The following BEND6 variants were observed in gnomAD, a reference collection of about 807,000 sequenced individuals.
BEND6 encodes the protein BEN domain-containing protein 6.
In BEND6, 24 loss-of-function variants were observed where a neutral mutation model predicts 31.8. That is an observed-to-expected ratio of 0.75 (90% CI 0.55 to 1.06). The LOEUF (loss-of-function observed/expected upper bound fraction) is 1.06, where lower values mean the gene tolerates loss of function less well. BEND6 is among the 50% of genes least tolerant of loss of function. The pLI is 0.00. For missense variants in BEND6, 294 were observed against 327.4 expected (o/e 0.90, Z 0.79); for synonymous variants, 109 against 114.6 (o/e 0.95, Z 0.31).
chr6:57,015,018 C>G lies in BEND6; in HGVS notation c.299-115C>G, dbSNP rs536652097. Reference sequence around the variant, plus strand: ...TGCCATGTTTATTTTCCAAAGATAGCAAATGTTAAGTTTGTTCTGCATATT... The same window carrying G: ...TGCCATGTTTATTTTCCAAAGATAGGAAATGTTAAGTTTGTTCTGCATATT... On this transcript the variant is annotated intron_variant, in intron 3 of 6. Coordinates refer to ENST00000370746, the MANE Select transcript of BEND6 (RefSeq NM_152731.3). The G allele has an allele frequency of 2.7e-5, 20 of 740,732 alleles. No individual in the cohort carries two copies. In the Middle Eastern group the frequency reaches 2.0e-3, roughly 73 times the overall value. The allele number at this position is 740,732 out of a possible 1,614,324, so 45.9% of individuals were successfully genotyped here.
intron 1 of BEND6, among the ~76,000 whole-genome samples, chr6:56,963,081 G>A (rs1307733555): frequency 3.3e-5 from 5 of 152,188 alleles, no homozygotes; most frequent in Non-Finnish European, 5.9e-5. Flanking sequence ...CCTAACAAGC[G>A]GCATCAAAAT....
intron 1 of BEND6, among the ~76,000 whole-genome samples, chr6:56,973,638 G>C (rs576703156): frequency 6.6e-4 from 101 of 152,282 alleles, no homozygotes; most frequent in African/African-American, 2.2e-3. Context: ...AACTGAGAAG[G>C]CTACTCTAGT....
intron 3 of BEND6, among the ~76,000 whole-genome samples, chr6:57,001,241 G>A (rs1826932087): frequency 6.7e-6 from 1 of 148,610 alleles, no homozygotes. Context: ...ACTGCTCACT[G>A]CAACCCCTAC....
intron 6 of BEND6, among the ~76,000 whole-genome samples, chr6:57,024,276 G>T (rs1827838017): frequency 6.6e-6 from 1 of 152,118 alleles, no homozygotes; most frequent in Non-Finnish European, 1.5e-5. Context: ...ATAATTTTAG[G>T]TTTGTTTGTA....
At chr6:57,025,125 T>C (rs1662409051) in intron 6 of BEND6, among the ~76,000 whole-genome samples, 1 of 152,236 alleles carries the variant, frequency 6.6e-6, no homozygotes, top group South Asian at 2.1e-4. Flanking sequence ...TTTTCTGTTT[T>C]CTGGGAGGTC....
rs1004865535 is a variant in BEND6, at chr6:57,017,294, A to G, written c.607A>G (p.Asn203Asp). The change falls in exon 5 of 7, where the codon AAT (asparagine) becomes GAT (aspartate). Residue 203 changes from asparagine to aspartate, a missense_variant. By Grantham distance (23) the Asn-to-Asp change is conservative (BLOSUM62 1). Coordinates refer to ENST00000370746, the MANE Select transcript of BEND6 (RefSeq NM_152731.3). ...TGATTTAATGCAAGTACTTTACACA[A>G]ATGAATACATGGCCACTCACAGCCT... ...INDLMQVLYT[N>D]EYMATHSLTG... The G allele has an allele frequency of 3.3e-6, 5 of 1,538,318 alleles. No homozygotes were observed. Among genetic ancestry groups the G allele is most frequent in the Non-Finnish European group, 4.4e-6 (5 of 1,142,636 alleles).
chr6:57,010,536 T>C (rs951504141), intron 3 of BEND6: 11 of 295,770 alleles, frequency 3.7e-5, no homozygotes, highest in African/African-American at 2.5e-4. Context: ...CCTACAGAAA[T>C]ATTTACAGAT....
intron 1 of BEND6, among the ~76,000 whole-genome samples, chr6:56,977,008 T>C (rs1366558547): frequency 6.6e-6 from 1 of 152,218 alleles, no homozygotes; most frequent in Admixed American, 6.5e-5. Context: ...AAATGGACTA[T>C]CTCATTTTTC....
intron 1 of BEND6, among the ~76,000 whole-genome samples, chr6:56,961,984 ATTG>A (rs1486289869): frequency 1.3e-5 from 2 of 152,190 alleles, no homozygotes; most frequent in Non-Finnish European, 2.9e-5. Context: ...AAATTAGATT[ATTG>A]TTGTGACAGT....
chr6:57,022,170 T>C lies in BEND6; in HGVS notation c.*9+3613T>C, dbSNP rs919401087. On this transcript the variant is annotated intron_variant, in intron 6 of 6. Coordinates refer to ENST00000370746, the MANE Select transcript of BEND6 (RefSeq NM_152731.3). The stretch of plus-strand genomic sequence containing the variant: ...TTTTTCTTTTTTTCTTTTTCTTTTT[T>C]TTTTTTTTTTTTGAAGAATTAGAGC... 5.3e-5 allele frequency among the ~76,000 whole-genome samples: 8 copies of C among 149,998 alleles called. No individual in the cohort carries two copies. In the South Asian group the frequency reaches 6.3e-4, roughly 12 times the overall value.
chr6:56,971,349 G>A (rs1825682075), intron 1 of BEND6, among the ~76,000 whole-genome samples: 1 of 152,254 alleles, frequency 6.6e-6, no homozygotes, highest in Admixed American at 6.5e-5. Context: ...ATATGTATCT[G>A]CCCATTTTGC....
At position 56,955,375 on chromosome 6, in the gene BEND6, G is replaced by A. The variant is rs1174370969; in HGVS notation, c.-186G>A. 6.6e-6 allele frequency: 1 copy of A among 152,280 alleles called. No individual in the cohort carries two copies. The highest frequency in any genetic ancestry group is 2.4e-5 in the African/African-American group (1 of 41,452). 9.4% of individuals were successfully genotyped at this position (152,280 alleles called of 1,614,324 possible). A position where few individuals can be genotyped will look rare whatever the true frequency, so the allele number is the denominator to read the frequency against. ...GCCAGGGGGAAAACCGAGAGGCGCT[G>A]ACAGGAGCCTCCCGGCGGTGCTACC... On this transcript the variant is annotated 5_prime_UTR_variant, in exon 1 of 7. Coordinates refer to ENST00000370746, the MANE Select transcript of BEND6 (RefSeq NM_152731.3).
intron 4 of BEND6, 94 bp downstream of exon 4, chr6:57,015,447 C>A: frequency 8.6e-7 from 1 of 1,157,316 alleles, no homozygotes; most frequent in Non-Finnish European, 1.2e-6. Flanking sequence ...TATCAGATAA[C>A]TATTGGATAA....
Position 57,015,150 on chromosome 6 carries a change from A to T in BEND6, c.316A>T (p.Thr106Ser). Reference protein sequence around the residue: ...VMLQVLPQAVTQFEELVGMAE... With the variant: ...VMLQVLPQAVSQFEELVGMAE... ...CATTTTAGTGTTACCACAAGCAGTC[A>T]CCCAGTTTGAAGAATTGGTTGGTAT... The change falls in exon 4 of 7, where the codon ACC becomes TCC. Residue 106 changes from threonine (T) to serine (S), a missense_variant. Physicochemically the swap from Thr to Ser is moderately conservative, Grantham distance 58. Transcript: ENST00000370746. The T allele has an allele frequency of 6.2e-7, 1 of 1,614,102 alleles. No homozygotes were observed. Among genetic ancestry groups the T allele is most frequent in the Non-Finnish European group, 8.5e-7 (1 of 1,179,976 alleles).
intron 3 of BEND6, among the ~76,000 whole-genome samples, chr6:56,997,470 A>T (rs150838136): frequency 6.6e-6 from 1 of 152,320 alleles, no homozygotes; most frequent in African/African-American, 2.4e-5. Context: ...CGAAGTAGTA[A>T]AGTTGGCAAT....
rs1257317958 is a variant in BEND6, at chr6:56,985,207, A to G, written c.120+3277A>G. ...TACCACCTGACCTCTCAGTAATTCAATTATATTTCAGGTTTTAGGTATTCG... is the reference window on the plus strand; with the variant it reads ...TACCACCTGACCTCTCAGTAATTCAGTTATATTTCAGGTTTTAGGTATTCG... On this transcript the variant is annotated intron_variant, in intron 2 of 6. Coordinates refer to ENST00000370746, the MANE Select transcript of BEND6 (RefSeq NM_152731.3). Among the ~76,000 whole-genome samples, 4 of 152,290 alleles carry G rather than the reference A, an allele frequency of 2.6e-5. No individual in the cohort carries two copies. The East Asian group carries it at 7.7e-4, about 29-fold the overall frequency.
intron 1 of BEND6, among the ~76,000 whole-genome samples, chr6:56,963,958 AATT>A (rs1351082788): frequency 1.4e-5 from 2 of 147,764 alleles, no homozygotes; most frequent in Non-Finnish European, 3.0e-5. Flanking sequence ...ATATTGATAT[AATT>A]ATATTGTTAA....
chr6:56,999,380 AC>A (rs1210772033), intron 3 of BEND6, among the ~76,000 whole-genome samples: 1 of 152,222 alleles, frequency 6.6e-6, no homozygotes, highest in East Asian at 1.9e-4. Flanking sequence ...TGTGCAGAGA[AC>A]CAGGTGCAGG....
At chr6:56,987,136 C>T (rs939946883) in intron 2 of BEND6, among the ~76,000 whole-genome samples, 2 of 152,128 alleles carry the variant, frequency 1.3e-5, no homozygotes, top group East Asian at 1.9e-4. Flanking sequence ...AGCCACCACG[C>T]CTGGCTAATT....
Sources: gnomAD v4.1 joint callset for allele counts (sites outside exome capture counted in the v4.1 genomes callset) on GRCh38, gnomAD v4.1.1 for gene constraint, MANE v1.5 for transcripts, NCBI Gene and HGNC (gene_info 2026-07-23, HGNC 2026-07-21) for gene names.